Variants in IPO9 observed in about 807,000 individuals in gnomAD.
IPO9 encodes the protein importin 9.
IPO9 carries 28 observed loss-of-function variants against 128.6 expected under a neutral mutation model. The ratio of observed to expected loss-of-function variants is 0.22; its 90% confidence interval spans 0.16 to 0.30. IPO9 has a LOEUF of 0.30. Among genes scored for constraint, IPO9 ranks in the 10% least tolerant of loss-of-function variants. The pLI, the probability that IPO9 is intolerant of heterozygous loss-of-function variation, is 1.00. For synonymous variants in IPO9, 455 were observed against 475.8 expected (o/e 0.96, Z 0.57); for missense variants, 935 against 1,293.9 (o/e 0.72, Z 4.26).
At position 201,879,091 on chromosome 1, in the gene IPO9, T is replaced by A. The variant is rs908211147; in HGVS notation, c.*3037T>A. ...TGAAAGGAAAATGGAAGGAATGCTA[T>A]AAGACTGAAAAGAAGTTAAAGCCCT... is the stretch of plus-strand genomic sequence containing the variant. On this transcript the variant is annotated 3_prime_UTR_variant, in exon 24 of 24. Coordinates refer to ENST00000361565, the MANE Select transcript of IPO9 (RefSeq NM_018085.5). 6.6e-6 allele frequency: 1 copy of A among 152,152 alleles called. No homozygotes were observed. Among genetic ancestry groups the A allele is most frequent in the Admixed American group, 6.6e-5 (1 of 15,264 alleles). The allele number at this position is 152,152 out of a possible 1,614,324, so 9.4% of individuals were successfully genotyped here. A position where few individuals can be genotyped will look rare whatever the true frequency, so the allele number is the denominator to read the frequency against.
chr1:201,855,714 C>A, intron 9 of IPO9, 69 bp from the exon 10 acceptor site: 1 of 1,360,024 alleles, frequency 7.4e-7, no homozygotes, highest in Non-Finnish European at 1.0e-6. Context: ...TTATGTAGTT[C>A]ATTTTCTGCA....
At chr1:201,856,582 A>G (rs555646918) in intron 10 of IPO9, among the ~76,000 whole-genome samples, 10 of 152,356 alleles carry the variant, frequency 6.6e-5, no homozygotes, top group African/African-American at 1.4e-4. Flanking sequence ...AGCAATAGCC[A>G]TTGCTACCTA....
chr1:201,866,346 G>T (rs756968295), intron 14 of IPO9, among the ~76,000 whole-genome samples: 16 of 152,060 alleles, frequency 1.1e-4, no homozygotes, highest in Non-Finnish European at 2.4e-4. Flanking sequence ...GCAACATTCA[G>T]TAAATATTTG....
chr1:201,854,612 G>C lies in IPO9; in HGVS notation c.708G>C (p.Leu236=). Reference sequence around the variant, plus strand: ...GTTATCAGGGTGCAGCCAAAGTCCTGATCTTTCCCGTGGTACAGCAGTTCA... The same window carrying C: ...GTTATCAGGGTGCAGCCAAAGTCCTCATCTTTCCCGTGGTACAGCAGTTCA... ...EELEKGAAKV[L]IFPVVQQFTE... The change falls in exon 7 of 24, where the codon CTG becomes CTC. Residue 236 remains leucine (L), a synonymous_variant. Coordinates refer to ENST00000361565, the MANE Select transcript of IPO9 (RefSeq NM_018085.5). The C allele has an allele frequency of 2.5e-6, 4 of 1,614,012 alleles. No individual in the cohort carries two copies. The highest frequency in any genetic ancestry group is 3.4e-6 in the Non-Finnish European group (4 of 1,180,014).
chr1:201,855,251 GGC>G, intron 9 of IPO9, 69 bp downstream of exon 9: 1 of 971,744 alleles, frequency 1.0e-6, no homozygotes, highest in South Asian at 1.4e-5. Context: ...CAGAGATGGG[GGC>G]GGGAAACAGT....
Position 201,839,618 on chromosome 1 carries a change from G to A in IPO9, c.164-7661G>A, listed in dbSNP as rs573416248. On this transcript the variant is annotated intron_variant, in intron 1 of 23. Transcript: ENST00000361565. ...ATGACTGTGTAGCCATTTGGAATTA[G>A]ACCCATATCTCACACTAGATTTTTT... 4.2e-5 allele frequency among the ~76,000 whole-genome samples: 6 copies of A among 141,230 alleles called. No individual in the cohort carries two copies. The South Asian group carries it at 1.4e-3, about 32-fold the overall frequency. The allele number at this position is 141,230 out of a possible 152,430, so 92.7% of individuals were successfully genotyped here. A position where few individuals can be genotyped will look rare whatever the true frequency, so the allele number is the denominator to read the frequency against.
intron 13 of IPO9, among the ~76,000 whole-genome samples, chr1:201,861,374 C>T (rs1169405684): frequency 6.6e-6 from 1 of 152,126 alleles, no homozygotes; most frequent in East Asian, 1.9e-4. Context: ...TTCAAGTACC[C>T]TTACAACCAT....
At chr1:201,859,958 A>T (rs900563593) in intron 13 of IPO9, among the ~76,000 whole-genome samples, 4 of 138,320 alleles carry the variant, frequency 2.9e-5, no homozygotes, top group African/African-American at 5.5e-5. Flanking sequence ...GACTTGGTTT[A>T]AAAAAAAAAA....
intron 6 of IPO9, among the ~76,000 whole-genome samples, chr1:201,853,359 A>G (rs1680259616): frequency 6.6e-6 from 1 of 151,362 alleles, no homozygotes; most frequent in South Asian, 2.1e-4. Flanking sequence ...CCCAGTAGGA[A>G]CTACAGGTGT....
chr1:201,835,915 TC>T (rs1304288390), intron 1 of IPO9, among the ~76,000 whole-genome samples: 1 of 151,932 alleles, frequency 6.6e-6, no homozygotes, highest in Non-Finnish European at 1.5e-5. Context: ...ATCAAGACCA[TC>T]CTGGCTAACA....
chr1:201,845,503 C>T (rs1207261166), intron 1 of IPO9, among the ~76,000 whole-genome samples: 1 of 152,126 alleles, frequency 6.6e-6, no homozygotes, highest in Non-Finnish European at 1.5e-5. Context: ...CAGTAGTAAG[C>T]AAGTCTAGAA....
Position 201,876,003 on chromosome 1 carries a change from A to G in IPO9, c.3075A>G (p.Ser1025=). 6.2e-7 allele frequency: 1 copy of G among 1,614,002 alleles called. No individual in the cohort carries two copies. Among genetic ancestry groups the G allele is most frequent in the Non-Finnish European group, 8.5e-7 (1 of 1,179,852 alleles). ...AGCAGCCCTGCTACATAATGTTTTC[A>G]GGCCACCTTAATGACAATGAGAGGC... ...FAQQPCYIMF[S]GHLNDNERRV... is the part of the protein sequence containing the mutation. The change falls in exon 24 of 24, where the codon TCA becomes TCG. Residue 1025 remains serine (S), a synonymous_variant. Coordinates refer to ENST00000361565, the MANE Select transcript of IPO9 (RefSeq NM_018085.5).
chr1:201,857,016 T>A, intron 10 of IPO9, 80 bp from the exon 11 acceptor site: 1 of 931,576 alleles, frequency 1.1e-6, no homozygotes, highest in Non-Finnish European at 1.8e-6. Flanking sequence ...GGATAATAGG[T>A]TGAAATCTTC....
chr1:201,845,094 G>A (rs1680103350), intron 1 of IPO9, among the ~76,000 whole-genome samples: 4 of 151,896 alleles, frequency 2.6e-5, no homozygotes, highest in Admixed American at 2.0e-4. Context: ...TCGGCTCATC[G>A]CAACCTCTGC....
intron 22 of IPO9, 73 bp downstream of exon 22, chr1:201,875,009 C>T: frequency 2.2e-6 from 3 of 1,371,738 alleles, no homozygotes; most frequent in Non-Finnish European, 3.1e-6. Flanking sequence ...AGTGGGGTAC[C>T]CAAGAAAGGG....
Position 201,868,629 on chromosome 1 carries a change from G to A in IPO9, c.1856-19G>A. ...AGACCATCAGGCAGGGGGATTCCGTGTTGCCTTATCCACTTCAGATCCCGT... is the reference window on the plus strand; with the variant it reads ...AGACCATCAGGCAGGGGGATTCCGTATTGCCTTATCCACTTCAGATCCCGT... On this transcript the variant is annotated intron_variant, in intron 15 of 23. Transcript: ENST00000361565. 2 of 1,605,918 alleles carry A rather than the reference G, an allele frequency of 1.2e-6. No individual in the cohort carries two copies. The highest frequency in any genetic ancestry group is 1.1e-5 in the South Asian group (1 of 90,236).
In IPO9 at chr1:201,878,452, A is replaced by C. The variant is rs1680819390; in HGVS notation, c.*2398A>C. The C allele has an allele frequency of 6.6e-6, 1 of 152,586 alleles. No homozygotes were observed. The highest frequency in any genetic ancestry group is 1.5e-5 in the Non-Finnish European group (1 of 68,038). The allele number at this position is 152,586 out of a possible 1,614,324, so 9.5% of individuals were successfully genotyped here. On this transcript the variant is annotated 3_prime_UTR_variant, in exon 24 of 24. Coordinates refer to ENST00000361565, the MANE Select transcript of IPO9 (RefSeq NM_018085.5). ...CCCTCTGCGTCTGCTAATTAGACAA[A>C]CATTCTATATCTAGTGCCAAAAGTG...
At chr1:201,829,836 A>G (rs2102864171) in intron 1 of IPO9, among the ~76,000 whole-genome samples, 1 of 152,332 alleles carries the variant, frequency 6.6e-6, no homozygotes, top group East Asian at 1.9e-4. Context: ...AAAGCTTAAT[A>G]GATGTCATCA....
chr1:201,855,471 T>C (rs913135663), intron 9 of IPO9, among the ~76,000 whole-genome samples: 17 of 152,248 alleles, frequency 1.1e-4, no homozygotes, highest in Admixed American at 9.8e-4. Flanking sequence ...TGTGTTTCAT[T>C]TGGGGGTCCC....
Sources: allele counts gnomAD v4.1 joint callset (sites outside exome capture counted in the v4.1 genomes callset), GRCh38; gene constraint gnomAD v4.1.1; transcripts MANE v1.5; gene names NCBI Gene and HGNC (gene_info 2026-07-23, HGNC 2026-07-21).